Variants in ATP9B observed in about 807,000 individuals in gnomAD.
The protein encoded by ATP9B is probable phospholipid-transporting ATPase IIB.
A neutral mutation model predicts 146.1 loss-of-function variants in ATP9B; 110 were observed. The ratio of observed to expected loss-of-function variants is 0.75; its 90% CI spans 0.65 to 0.88. The LOEUF (loss-of-function observed/expected upper bound fraction) is 0.88, where lower values mean the gene tolerates loss of function less well. Among genes scored for constraint, ATP9B ranks in the 40% least tolerant of loss-of-function variants. The pLI, the probability that ATP9B is intolerant of heterozygous loss-of-function variation, is 0.00. For synonymous variants in ATP9B, 604 were observed against 569.7 expected (o/e 1.06, Z -0.86); for missense variants, 1,499 against 1,496.4 (o/e 1.00, Z -0.03).
At chr18:79,272,129 A>C (rs1362252255) in intron 12 of ATP9B, among the ~76,000 whole-genome samples, 2 of 152,024 alleles carry the variant, frequency 1.3e-5, no homozygotes, top group Non-Finnish European at 2.9e-5. Flanking sequence ...TAGATTCTGG[A>C]TATTAGCCCT....
intron 25 of ATP9B, among the ~76,000 whole-genome samples, chr18:79,348,418 G>A (rs1488932232): frequency 2.6e-5 from 4 of 152,182 alleles, no homozygotes; most frequent in East Asian, 1.9e-4. Context: ...TTGTTTTCAA[G>A]TGGAAGCCAT....
intron 20 of ATP9B, chr18:79,344,005 T>C (rs2096872649): frequency 1.9e-6 from 1 of 537,014 alleles, no homozygotes; most frequent in East Asian, 3.3e-5. Context: ...GTGATTCCAC[T>C]GCATTCCTCA....
chr18:79,229,077 C>G (rs1191073238), intron 11 of ATP9B, among the ~76,000 whole-genome samples: 13 of 152,194 alleles, frequency 8.5e-5, no homozygotes, highest in Non-Finnish European at 1.8e-4. Context: ...ACAGTTCACA[C>G]TTATGACTTC....
intron 7 of ATP9B, among the ~76,000 whole-genome samples, chr18:79,169,327 T>G (rs972551689): frequency 6.6e-6 from 1 of 152,220 alleles, no homozygotes; most frequent in Non-Finnish European, 1.5e-5. Flanking sequence ...CTTGTTATAC[T>G]GTCACCTAAC....
At chr18:79,213,261 C>G (rs2095599688) in intron 10 of ATP9B, among the ~76,000 whole-genome samples, 2 of 152,012 alleles carry the variant, frequency 1.3e-5, no homozygotes. Context: ...GCTGTAGTTT[C>G]AGAAAGAGAT....
At chr18:79,150,673 A>G (rs908241232) in intron 6 of ATP9B, among the ~76,000 whole-genome samples, 9 of 152,162 alleles carry the variant, frequency 5.9e-5, no homozygotes, top group Non-Finnish European at 1.3e-4. Context: ...GGACATAAAG[A>G]GTCTGAATAT....
At chr18:79,126,526 G>A (rs773574993) in intron 5 of ATP9B, 151 bp downstream of exon 5, 17 of 588,986 alleles carry the variant, frequency 2.9e-5, no homozygotes, top group Non-Finnish European at 4.0e-5. Flanking sequence ...TCCTTATAAT[G>A]TATAATGCAA....
chr18:79,341,373 GGA>G (rs2096857833), intron 19 of ATP9B, among the ~76,000 whole-genome samples: 1 of 126,256 alleles, frequency 7.9e-6, no homozygotes. Flanking sequence ...AGTTGTGGTT[GGA>G]TGTGTGTAGC....
rs2096604742 is a variant in ATP9B at position 79,303,527 on chromosome 18, G to A, written c.1412-77G>A. On this transcript the variant is annotated intron_variant, in intron 13 of 29. Transcript: ENST00000426216. ...GCTTCAGCCCATGAATGTGCAGCAT[G>A]CCTGCATGGTAGGAAAGCTGGGTGT... 6 of 1,144,306 alleles carry A rather than the reference G, an allele frequency of 5.2e-6. No homozygotes were observed. In the South Asian group the frequency reaches 7.9e-5, roughly 15 times the overall value. 70.9% of individuals were successfully genotyped at this position (1,144,306 alleles called of 1,614,324 possible).
chr18:79,333,320 G>A (rs186490491), intron 17 of ATP9B, among the ~76,000 whole-genome samples: 29 of 152,320 alleles, frequency 1.9e-4, no homozygotes, highest in African/African-American at 6.5e-4. Flanking sequence ...TCCACTGCAT[G>A]TCCACCCCAA....
intron 13 of ATP9B, among the ~76,000 whole-genome samples, chr18:79,302,341 C>T (rs751875423): frequency 4.0e-5 from 6 of 151,852 alleles, no homozygotes; most frequent in East Asian, 1.9e-4. Flanking sequence ...ACACACCCCC[C>T]GGGGACAAGG....
At chr18:79,245,576 C>CAGAGGGCACCACCCTACTGACTGA (rs1568482588) in intron 11 of ATP9B, among the ~76,000 whole-genome samples, 18 of 140,794 alleles carry the variant, frequency 1.3e-4, no homozygotes, top group Non-Finnish European at 2.2e-4. Context: ...ACTGACTGTG[C>CAGAGGGCACCACCCTACTGACTGA]GGAGGGCACC....
rs754364088 is a variant in ATP9B, at chr18:79,303,694, A to G, written c.1502A>G (p.His501Arg). 1.2e-6 allele frequency: 2 copies of G among 1,613,948 alleles called. No homozygotes were observed. The highest frequency in any genetic ancestry group is 1.1e-5 in the South Asian group (1 of 91,074). Residue 501 changes from histidine to arginine, a missense_variant, in exon 14 of 30, where the codon CAT becomes CGT. By Grantham distance (29) the His-to-Arg change is conservative. Coordinates refer to ENST00000426216, the MANE Select transcript of ATP9B (RefSeq NM_198531.5). ...GADTMDEIQS[H>R]VRDSYSQMQS... ...GACACGATGGATGAGATCCAGAGCC[A>G]TGTCAGGGACTCCTACTCACAGGTA...
chr18:79,194,007 G>A (rs994785091), intron 9 of ATP9B, among the ~76,000 whole-genome samples: 10 of 152,148 alleles, frequency 6.6e-5, no homozygotes, highest in African/African-American at 2.2e-4. Context: ...TGTGAAGCAC[G>A]GGCACCTGTG....
chr18:79,298,348 C>T (rs781765931), intron 13 of ATP9B, among the ~76,000 whole-genome samples: 4 of 146,150 alleles, frequency 2.7e-5, no homozygotes, highest in South Asian at 2.2e-4. Context: ...ATGAAAAGTA[C>T]GGTGCCGTTT....
At chr18:79,265,077 C>T (rs182013184) in intron 12 of ATP9B, among the ~76,000 whole-genome samples, 3 of 152,238 alleles carry the variant, frequency 2.0e-5, no homozygotes, top group Non-Finnish European at 2.9e-5. Flanking sequence ...CTCCAGCCTC[C>T]GACAGGCCCC....
chr18:79,172,508 C>A (rs1281494070), intron 7 of ATP9B, among the ~76,000 whole-genome samples: 1 of 115,070 alleles, frequency 8.7e-6, no homozygotes, highest in Non-Finnish European at 1.7e-5. Context: ...CAGGCGTGAG[C>A]CACCGTGCCC....
At chr18:79,074,256 C>T (rs2072330802) in intron 1 of ATP9B, among the ~76,000 whole-genome samples, 1 of 152,128 alleles carries the variant, frequency 6.6e-6, no homozygotes, top group Non-Finnish European at 1.5e-5. Context: ...AAGTGTCAGA[C>T]CCATGGGGAT....
rs748143554 is a variant in ATP9B at position 79,377,431 on chromosome 18, C to G, written c.*48C>G. 6.3e-7 allele frequency: 1 copy of G among 1,592,970 alleles called. No homozygotes were observed. The highest frequency in any genetic ancestry group is 2.2e-5 in the East Asian group (1 of 44,594). ...CTGGCCCCAGCACCTTCTGCCCTTC[C>G]CAGCACCTTGTGCCCTTGCCAGTGA... On this transcript the variant is annotated 3_prime_UTR_variant, in exon 30 of 30. Transcript: ENST00000426216.
Sources: allele counts gnomAD v4.1 joint callset (sites outside exome capture counted in the v4.1 genomes callset), GRCh38; gene constraint gnomAD v4.1.1; transcripts MANE v1.5; gene names NCBI Gene and HGNC (gene_info 2026-07-23, HGNC 2026-07-21).